Variants in LYPD6B observed in about 807,000 individuals in gnomAD.
The protein encoded by LYPD6B is LY6/PLAUR domain containing 6B.
A neutral mutation model predicts 22.8 loss-of-function variants in LYPD6B; 17 were observed. The ratio of observed to expected loss-of-function variants is 0.75; its 90% confidence interval spans 0.51 to 1.12. LYPD6B has a LOEUF of 1.12. Among genes scored for constraint, LYPD6B ranks in the 50% most tolerant of loss-of-function variants. The pLI is 0.00. For missense variants in LYPD6B, 221 were observed against 258.3 expected (o/e 0.86, Z 0.99); for synonymous variants, 106 against 91.6 (o/e 1.16, Z -0.90).
At chr2:149,106,958 G>A (rs920915011) in intron 1 of LYPD6B, among the ~76,000 whole-genome samples, 1 of 151,612 alleles carries the variant, frequency 6.6e-6, no homozygotes. Context: ...GGCCCCCAGT[G>A]GATTCTTGAA....
At chr2:149,077,730 C>T (rs6754202) in intron 1 of LYPD6B, 7,117 of 152,250 alleles carry the variant, frequency 0.047, 431 homozygotes, top group African/African-American at 0.14. Context: ...AACTCAACAC[C>T]ATTAGCACAG....
intron 1 of LYPD6B, among the ~76,000 whole-genome samples, chr2:149,051,957 A>T (rs906627289): frequency 4.0e-5 from 6 of 151,862 alleles, no homozygotes; most frequent in Admixed American, 3.9e-4. Flanking sequence ...AAGGCTTTGG[A>T]TATATATTTC....
intron 1 of LYPD6B, among the ~76,000 whole-genome samples, chr2:149,127,541 T>A (rs1687773172): frequency 6.6e-6 from 1 of 152,384 alleles, no homozygotes; most frequent in South Asian, 2.1e-4. Flanking sequence ...GACTTCTGTG[T>A]GTGCTTTCCA....
chr2:149,211,703 A>G (rs1007243843), intron 5 of LYPD6B, among the ~76,000 whole-genome samples: 6 of 152,062 alleles, frequency 3.9e-5, no homozygotes, highest in Admixed American at 2.6e-4. Context: ...AGGCAGTTCC[A>G]TAAGCCCAGT....
At chr2:149,044,046 TTGGA>T (rs1489423443) in intron 1 of LYPD6B, among the ~76,000 whole-genome samples, 1 of 152,112 alleles carries the variant, frequency 6.6e-6, no homozygotes, top group Non-Finnish European at 1.5e-5. Flanking sequence ...AGAATACATT[TTGGA>T]AGCACATAGT....
At chr2:149,058,661 G>A (rs532743059) in intron 1 of LYPD6B, among the ~76,000 whole-genome samples, 27 of 152,082 alleles carry the variant, frequency 1.8e-4, no homozygotes, top group African/African-American at 5.5e-4. Context: ...CTCTTGTCCC[G>A]CAGGCTAGAA....
intron 4 of LYPD6B, among the ~76,000 whole-genome samples, chr2:149,206,380 G>T (rs878946599): frequency 6.6e-6 from 1 of 152,006 alleles, no homozygotes; most frequent in East Asian, 1.9e-4. Flanking sequence ...CTCTGTGTGT[G>T]TGTGCATATA....
intron 1 of LYPD6B, among the ~76,000 whole-genome samples, chr2:149,120,361 G>GTATATATATATATATATA (rs764587788): frequency 5.2e-5 from 2 of 38,758 alleles, no homozygotes; most frequent in African/African-American, 3.5e-4. Flanking sequence ...GTGTGTGTGT[G>GTATATATATATATATATA]TATATATATA....
At chr2:149,092,950 T>G (rs913821119) in intron 1 of LYPD6B, among the ~76,000 whole-genome samples, 1 of 152,192 alleles carries the variant, frequency 6.6e-6, no homozygotes, top group African/African-American at 2.4e-5. Flanking sequence ...CTAATCCACA[T>G]GTCTTGGATT....
intron 2 of LYPD6B, among the ~76,000 whole-genome samples, chr2:149,134,666 G>A (rs929525066): frequency 6.6e-6 from 1 of 152,170 alleles, no homozygotes. Context: ...TGTGGCAGAG[G>A]GAAAAGTTGG....
chr2:149,138,319 A>G (rs1688488254), intron 2 of LYPD6B, among the ~76,000 whole-genome samples: 1 of 152,160 alleles, frequency 6.6e-6, no homozygotes. Context: ...GCTGTACTCC[A>G]TGTGATTTCT....
intron 1 of LYPD6B, among the ~76,000 whole-genome samples, chr2:149,108,638 T>C (rs1384984583): frequency 6.6e-6 from 1 of 152,248 alleles, no homozygotes; most frequent in Non-Finnish European, 1.5e-5. Flanking sequence ...CTTTCTTTTT[T>C]AGTTAGCTGA....
At position 149,046,236 on chromosome 2, in the gene LYPD6B, C is replaced by T. The variant is rs563180889; in HGVS notation, c.-67+7435C>T. ...CCAGCTTTTTTTGGATTAATGTTTG[C>T]ATTGTATATCTTTTTGTGTTCTTTT... On this transcript the variant is annotated intron_variant, in intron 1 of 6. Coordinates refer to ENST00000409642, the MANE Select transcript of LYPD6B (RefSeq NM_177964.5). Among the ~76,000 whole-genome samples, 5 of 152,182 alleles carry T rather than the reference C, an allele frequency of 3.3e-5. No individual in the cohort carries two copies. In the South Asian group the frequency reaches 1.0e-3, roughly 32 times the overall value.
chr2:149,185,342 G>C (rs985002363), intron 3 of LYPD6B, among the ~76,000 whole-genome samples: 2 of 152,180 alleles, frequency 1.3e-5, no homozygotes, highest in African/African-American at 2.4e-5. Flanking sequence ...GGAAGCAAGA[G>C]TTCTAGGCCA....
At chr2:149,170,874 A>G (rs1690769173) in intron 3 of LYPD6B, among the ~76,000 whole-genome samples, 1 of 152,208 alleles carries the variant, frequency 6.6e-6, no homozygotes, top group Non-Finnish European at 1.5e-5. Context: ...ACATCATTAA[A>G]CAACACAGAA....
intron 3 of LYPD6B, among the ~76,000 whole-genome samples, chr2:149,168,630 C>T (rs1690596305): frequency 6.6e-6 from 1 of 152,190 alleles, no homozygotes; most frequent in African/African-American, 2.4e-5. Context: ...CATGCCTGTT[C>T]TCTGAATGTA....
At chr2:149,117,235 A>G (rs1158881291) in intron 1 of LYPD6B, among the ~76,000 whole-genome samples, 3 of 151,392 alleles carry the variant, frequency 2.0e-5, no homozygotes, top group African/African-American at 7.3e-5. Context: ...TTTCATAGAC[A>G]ATGTACATTT....
At chr2:149,119,722 A>T (rs1249362248) in intron 1 of LYPD6B, among the ~76,000 whole-genome samples, 1 of 152,226 alleles carries the variant, frequency 6.6e-6, no homozygotes, top group Non-Finnish European at 1.5e-5. Context: ...TTTAAGGAGG[A>T]GCATGAAACA....
At chr2:149,205,022 G>T (rs1693417485) in intron 3 of LYPD6B, 3 of 433,896 alleles carry the variant, frequency 6.9e-6, no homozygotes, top group Non-Finnish European at 1.2e-5. Flanking sequence ...AGGCCATCGA[G>T]TGTTCTGCTA....
Sources: allele counts gnomAD v4.1 joint callset (sites outside exome capture counted in the v4.1 genomes callset), GRCh38; gene constraint gnomAD v4.1.1; transcripts MANE v1.5; gene names NCBI Gene and HGNC (gene_info 2026-07-23, HGNC 2026-07-21).